CCT6B: variants seen among roughly 807,000 people sequenced by gnomAD.
CCT6B encodes chaperonin containing TCP1 subunit 6B.
CCT6B carries 49 observed loss-of-function variants against 61.5 expected under a neutral mutation model. The observed-to-expected ratio is 0.80, with a 90% CI of 0.63 to 1.01. The LOEUF is 1.01. Among genes scored for constraint, CCT6B ranks in the 50% least tolerant of loss-of-function variants. CCT6B has a pLI of 0.00. For missense variants in CCT6B, 666 were observed against 634.7 expected (o/e 1.05, Z -0.53); for synonymous variants, 228 against 214.5 (o/e 1.06, Z -0.55).
At position 34,954,540 on chromosome 17, in the gene CCT6B, T is replaced by G; in HGVS notation, c.396A>C (p.Glu132Asp). The change falls in exon 4 of 14, where the codon GAA becomes GAC. Residue 132 changes from glutamate (E) to aspartate (D), a missense_variant. Physicochemically the swap from Glu to Asp is conservative, Grantham distance 45 (BLOSUM62 2). Transcript: ENST00000314144. ...TTGTCACTTTAACTTCCTCCAAAAC[T>G]TCAAGTGCTTTTATCTTTGCAGCTT... Reference protein sequence around the residue: ...GFEAAKIKALEVLEEVKVTKE... With the variant: ...GFEAAKIKALDVLEEVKVTKE... The G allele has an allele frequency of 1.2e-6, 2 of 1,613,852 alleles. No homozygotes were observed. The highest frequency in any genetic ancestry group is 1.7e-6 in the Non-Finnish European group (2 of 1,179,878).
Position 34,961,246 on chromosome 17 carries a change from C to G in CCT6B, c.137+11G>C. On this transcript the variant is annotated intron_variant, in intron 1 of 13. Transcript: ENST00000314144. ...CTAGCCGCGTAATGGCCGCTCCAACCGCTGTCTCACATTTTCATGGTGCCT... is the reference window on the plus strand; with the variant it reads ...CTAGCCGCGTAATGGCCGCTCCAACGGCTGTCTCACATTTTCATGGTGCCT... The G allele has an allele frequency of 1.3e-6, 2 of 1,593,796 alleles. No homozygotes were observed. The highest frequency in any genetic ancestry group is 2.3e-5 in the South Asian group (2 of 88,830).
intron 5 of CCT6B, 32 bp downstream of exon 5, chr17:34,951,918 A>T (rs1027322549): frequency 9.6e-7 from 1 of 1,040,010 alleles, no homozygotes; most frequent in African/African-American, 1.6e-5. Context: ...AAATTCTAGA[A>T]CCCATATGTT....
intron 5 of CCT6B, among the ~76,000 whole-genome samples, chr17:34,947,060 C>T (rs2090232337): frequency 6.6e-6 from 1 of 152,124 alleles, no homozygotes; most frequent in Non-Finnish European, 1.5e-5. Context: ...AATCAAGGGA[C>T]TGGTTTTAAA....
intron 4 of CCT6B, among the ~76,000 whole-genome samples, chr17:34,953,342 T>TATATATATATA (rs1491150963): frequency 2.4e-5 from 3 of 125,510 alleles, no homozygotes; most frequent in Admixed American, 8.0e-5. Flanking sequence ...TATATATATA[T>TATATATATATA]TTTTTTGAGA....
At chr17:34,957,066 C>T (rs886500394) in intron 3 of CCT6B, among the ~76,000 whole-genome samples, 1 of 152,136 alleles carries the variant, frequency 6.6e-6, no homozygotes, top group African/African-American at 2.4e-5. Flanking sequence ...GCCTCAGCCT[C>T]CCAAAGTGCT....
At chr17:34,959,279 A>G (rs1000827107) in intron 2 of CCT6B, among the ~76,000 whole-genome samples, 5 of 149,488 alleles carry the variant, frequency 3.3e-5, no homozygotes, top group African/African-American at 9.8e-5. Context: ...GTATGTCACC[A>G]CACTGAGCAA....
intron 10 of CCT6B, among the ~76,000 whole-genome samples, chr17:34,937,894 T>G (rs2090112589): frequency 6.6e-6 from 1 of 151,710 alleles, no homozygotes; most frequent in African/African-American, 2.4e-5. Flanking sequence ...TTCTTCTCTT[T>G]TTTTTTTTTC....
Position 34,942,498 on chromosome 17 carries a change from C to T in CCT6B, c.871G>A (p.Val291Ile), listed in dbSNP as rs115279154. The change falls in exon 7 of 14, where the codon GTC (valine) becomes ATC (isoleucine). Residue 291 changes from valine to isoleucine, a missense_variant. Physicochemically the swap from Val to Ile is conservative, Grantham distance 29 (BLOSUM62 3). Transcript: ENST00000314144. The stretch of plus-strand genomic sequence containing the variant: ...TTCTTTCTCACCTTTTGATTAATGA[C>T]GACAAATCCTTTATTTGACTGAGCA... ...VCAQSNKGFVVINQKGIDPFS... is the reference protein window; with the variant it reads ...VCAQSNKGFVIINQKGIDPFS... The T allele has an allele frequency of 1.3e-4, 206 of 1,589,896 alleles. 1 individual carries two copies. The East Asian group carries it at 3.7e-3, about 28-fold the overall frequency.
chr17:34,930,398 T>C (rs973879626), intron 12 of CCT6B, among the ~76,000 whole-genome samples: 1 of 152,206 alleles, frequency 6.6e-6, no homozygotes. Context: ...GTCACCTCTC[T>C]CACCTCCTTC....
At chr17:34,942,223 A>G (rs909269316) in intron 7 of CCT6B, among the ~76,000 whole-genome samples, 1 of 152,102 alleles carries the variant, frequency 6.6e-6, no homozygotes, top group African/African-American at 2.4e-5. Flanking sequence ...GTATAGCAAT[A>G]AAGAATGCGA....
intron 3 of CCT6B, among the ~76,000 whole-genome samples, chr17:34,956,403 G>A (rs981859762): frequency 6.6e-6 from 1 of 152,128 alleles, no homozygotes; most frequent in Non-Finnish European, 1.5e-5. Flanking sequence ...AGTTCTTCCT[G>A]ACTACTTCAG....
rs113790777 is a variant in CCT6B at position 34,939,685 on chromosome 17, C to T, written c.997G>A (p.Val333Met). Residue 333 changes from valine (V) to methionine (M), a missense_variant, in exon 9 of 14, where the codon GTG becomes ATG. By Grantham distance (21) the Val-to-Met change is conservative (BLOSUM62 1). Transcript: ENST00000314144. ...RLSLACGGMAVNSFEDLTVDC... is the reference protein window; with the variant it reads ...RLSLACGGMAMNSFEDLTVDC... ...ACAGTGAGATCTTCAAAAGAATTCA[C>T]GGCCATTCCACCACAAGCAAGAGAG... 4.2e-5 allele frequency: 67 copies of T among 1,612,902 alleles called. No individual in the cohort carries two copies. The East Asian group carries it at 5.6e-4, about 13-fold the overall frequency.
In CCT6B at chr17:34,942,621, A is replaced by G. The variant is rs760162283; in HGVS notation, c.748T>C (p.Tyr250His). Reference sequence around the variant, plus strand: ...TTCTCTTTCTCTTCTGCAGTCTTATAAAAGAAACCAGAGTTCACCTCTCTA... The same window carrying G: ...TTCTCTTTCTCTTCTGCAGTCTTATGAAAGAAACCAGAGTTCACCTCTCTA... Reference protein sequence around the residue: ...EKTEVNSGFFYKTAEEKEKLV... With the variant: ...EKTEVNSGFFHKTAEEKEKLV... The change falls in exon 7 of 14, where the codon TAT (tyrosine) becomes CAT (histidine). Residue 250 changes from tyrosine to histidine, a missense_variant. Transcript: ENST00000314144. 5.0e-6 allele frequency: 8 copies of G among 1,595,392 alleles called. No individual in the cohort carries two copies. In the Admixed American group the frequency reaches 9.2e-5, roughly 18 times the overall value.
intron 4 of CCT6B, among the ~76,000 whole-genome samples, chr17:34,953,341 A>ATATATATTTT (rs1555550678): frequency 4.3e-5 from 6 of 139,828 alleles, no homozygotes; most frequent in Non-Finnish European, 9.2e-5. Context: ...ATATATATAT[A>ATATATATTTT]TTTTTTTGAG....
intron 4 of CCT6B, among the ~76,000 whole-genome samples, chr17:34,953,857 T>C (rs1405487066): frequency 1.3e-5 from 2 of 151,922 alleles, no homozygotes; most frequent in East Asian, 1.9e-4. Context: ...GGGAGGCTGA[T>C]GTAGGAGAAT....
chr17:34,932,365 A>C lies in CCT6B; in HGVS notation c.1347+2T>G. 3 of 1,603,938 alleles carry C rather than the reference A, an allele frequency of 1.9e-6. No homozygotes were observed. The highest frequency in any genetic ancestry group is 2.5e-6 in the Non-Finnish European group (3 of 1,176,940). ...GTTATTTGGCCGAAAGGGTAGTTGT[A>C]CCTTGGGAATAATGAGTAAGGCATC... On this transcript the variant is annotated splice_donor_variant, in intron 11 of 13. Transcript: ENST00000314144. LOFTEE classifies it high-confidence loss of function.
rs2090388252 is a variant in CCT6B at position 34,959,578 on chromosome 17, T to A, written c.201+9A>T. On this transcript the variant is annotated intron_variant, in intron 2 of 13. Coordinates refer to ENST00000314144, the MANE Select transcript of CCT6B (RefSeq NM_006584.4). ...TTAAGGTTTATTAAAGTCAGCAGCA[T>A]CAGCTCACCATCTCATCGAGCAGCA... 6.2e-7 allele frequency: 1 copy of A among 1,603,498 alleles called. No homozygotes were observed. Among genetic ancestry groups the A allele is most frequent in the Non-Finnish European group, 8.5e-7 (1 of 1,170,328 alleles).
chr17:34,958,662 T>C lies in CCT6B; in HGVS notation c.234A>G (p.Ala78=). The change falls in exon 3 of 14, where the codon GCA becomes GCG. Residue 78 remains alanine, a synonymous_variant. Transcript: ENST00000314144. ...QIQHPTASLI[A]KVATAQDDVT... Reference sequence around the variant, plus strand: ...CGTCATCCTGAGCTGTTGCTACTTTTGCTATCAAGGAAGCTGTTGGATGTT... The same window carrying C: ...CGTCATCCTGAGCTGTTGCTACTTTCGCTATCAAGGAAGCTGTTGGATGTT... The C allele has an allele frequency of 6.2e-7, 1 of 1,602,574 alleles. No homozygotes were observed. Among genetic ancestry groups the C allele is most frequent in the Non-Finnish European group, 8.5e-7 (1 of 1,175,002 alleles).
chr17:34,929,147 C>T, intron 12 of CCT6B, 113 bp from the exon 13 acceptor site: 4 of 659,940 alleles, frequency 6.1e-6, no homozygotes, highest in Non-Finnish European at 8.1e-6. Flanking sequence ...TCAAGGTCAT[C>T]AATGACCTCC....
Sources: allele counts gnomAD v4.1 joint callset (sites outside exome capture counted in the v4.1 genomes callset), GRCh38; gene constraint gnomAD v4.1.1; transcripts MANE v1.5; gene names NCBI Gene and HGNC (gene_info 2026-07-23, HGNC 2026-07-21).